The following PTPRT variants were observed in gnomAD, a reference collection of about 807,000 sequenced individuals.
PTPRT encodes the protein receptor-type tyrosine-protein phosphatase T.
Under a neutral mutation model 176.8 loss-of-function variants are expected in PTPRT, and 56 were observed. That is an observed-to-expected ratio of 0.32 (90% CI 0.26 to 0.40). The LOEUF is 0.40. Among genes scored for constraint, PTPRT ranks in the 10% least tolerant of loss-of-function variants. The pLI, the probability that PTPRT is intolerant of heterozygous loss-of-function variation, is 1.00. For missense variants in PTPRT, 1,540 were observed against 1,908.2 expected (o/e 0.81, Z 3.60); for synonymous variants, 783 against 739.0 (o/e 1.06, Z -0.96).
Position 43,189,411 on chromosome 20 carries a change from G to C in PTPRT, c.88+235C>G, listed in dbSNP as rs112424528. 0.02 allele frequency among the ~76,000 whole-genome samples: 3,012 copies of C among 152,262 alleles called. 104 individuals are homozygous for C. The highest frequency in any genetic ancestry group is 0.066 in the African/African-American group (2,746 of 41,556). ...CCCGGGGGGCCGGCAGGAAACTGAA[G>C]CGGGGAACTTCGCCAAACGCGGGCT... On this transcript the variant is annotated intron_variant, in intron 1 of 30. Transcript: ENST00000373187. This position sits in a 1 kb window ranked among gnomAD's most constrained non-coding sequence, Gnocchi z 5.0.
intron 17 of PTPRT, among the ~76,000 whole-genome samples, chr20:42,148,259 CA>C (rs1276328975): frequency 4.5e-5 from 5 of 112,134 alleles, no homozygotes; most frequent in Non-Finnish European, 8.9e-5. Flanking sequence ...CCAAGGCAGT[CA>C]TTTTTTTTTT....
chr20:42,857,315 G>T (rs1252475986), intron 2 of PTPRT, among the ~76,000 whole-genome samples: 1 of 152,056 alleles, frequency 6.6e-6, no homozygotes, highest in Non-Finnish European at 1.5e-5. Flanking sequence ...GTTTCCAAGA[G>T]TTTCCTGACA....
chr20:42,879,174 T>A (rs1358842369), intron 2 of PTPRT, among the ~76,000 whole-genome samples: 4 of 152,158 alleles, frequency 2.6e-5, no homozygotes, highest in Non-Finnish European at 5.9e-5. Flanking sequence ...GAACTGCTAT[T>A]AAAAATTACC....
chr20:42,659,835 C>G (rs2075192333), intron 7 of PTPRT, among the ~76,000 whole-genome samples: 1 of 152,168 alleles, frequency 6.6e-6, no homozygotes, highest in Admixed American at 6.5e-5. Context: ...AGAGCTCTTG[C>G]CTCCTCCATC....
intron 1 of PTPRT, among the ~76,000 whole-genome samples, chr20:43,172,256 T>C (rs2015019787): frequency 6.6e-6 from 1 of 152,232 alleles, no homozygotes; most frequent in African/African-American, 2.4e-5. Flanking sequence ...AGTGGGATAA[T>C]TTCCAAAACT....
intron 11 of PTPRT, among the ~76,000 whole-genome samples, chr20:42,336,731 A>C (rs1038535627): frequency 2.6e-5 from 4 of 152,150 alleles, no homozygotes; most frequent in Non-Finnish European, 5.9e-5. Context: ...AATGACCCAA[A>C]TTTTCAACCA....
rs374581538 is a variant in PTPRT, at chr20:42,791,416, G to A, written c.265C>T (p.His89Tyr). The change falls in exon 3 of 31, where the codon CAC becomes TAC. Residue 89 changes from histidine to tyrosine, a missense_variant. Transcript: ENST00000373187. ...SSGRASGQKA[H>Y]LLLPTLKEND... is the part of the protein sequence containing the mutation. ...TCCTTCAGGGTTGGCAGGAGAAGGT[G>A]GGCCTTCTGGCCAGAGGCTCTCCCA... 2.5e-6 allele frequency: 4 copies of A among 1,613,812 alleles called. No individual in the cohort carries two copies. The African/African-American group carries it at 5.3e-5, about 21-fold the overall frequency.
rs114842259 is a variant in PTPRT at position 42,122,355 on chromosome 20, A to C, written c.2848-2384T>G. The stretch of plus-strand genomic sequence containing the variant: ...TTTACTGAGTGCCTATCAAGACTAA[A>C]AGTGTATGCAGGCCTCTCAGGGGAC... On this transcript the variant is annotated intron_variant, in intron 19 of 30. Coordinates refer to ENST00000373187, the MANE Select transcript of PTPRT (RefSeq NM_007050.6). 2.1e-3 allele frequency among the ~76,000 whole-genome samples: 323 copies of C among 152,294 alleles called. 1 individual carries two copies. The highest frequency in any genetic ancestry group is 7.5e-3 in the African/African-American group (311 of 41,562).
At chr20:42,460,163 G>A (rs894008441) in intron 8 of PTPRT, among the ~76,000 whole-genome samples, 4 of 152,102 alleles carry the variant, frequency 2.6e-5, no homozygotes, top group Non-Finnish European at 5.9e-5. Context: ...CCGGAGGGCT[G>A]GGCAGAGGCC....
intron 9 of PTPRT, among the ~76,000 whole-genome samples, chr20:42,406,602 T>G (rs2058963299): frequency 6.6e-6 from 1 of 152,130 alleles, no homozygotes; most frequent in Non-Finnish European, 1.5e-5. Context: ...AATATTTAAA[T>G]TATCTCAGTC....
intron 16 of PTPRT, among the ~76,000 whole-genome samples, chr20:42,163,181 TG>T (rs1416358943): frequency 3.3e-5 from 5 of 152,130 alleles, no homozygotes; most frequent in African/African-American, 1.2e-4. Flanking sequence ...GAGACACTGA[TG>T]GGGTCGTACC....
the PTPRT span, among the ~76,000 whole-genome samples, chr20:42,051,360 C>T: frequency 6.6e-6 from 1 of 152,160 alleles, no homozygotes; most frequent in Non-Finnish European, 1.5e-5. Context: ...GGTGCAATGG[C>T]TTATTTGCGT....
intron 7 of PTPRT, among the ~76,000 whole-genome samples, chr20:42,545,328 C>G (rs2072655690): frequency 6.6e-6 from 1 of 152,164 alleles, no homozygotes; most frequent in Non-Finnish European, 1.5e-5. Flanking sequence ...AGGGGTTCAT[C>G]AAACCACCCT....
intron 12 of PTPRT, among the ~76,000 whole-genome samples, chr20:42,286,991 T>C (rs898328410): frequency 4.6e-5 from 7 of 151,930 alleles, no homozygotes; most frequent in Non-Finnish European, 8.8e-5. Context: ...ATATAAAAAA[T>C]GCTCAATATC....
intron 9 of PTPRT, among the ~76,000 whole-genome samples, chr20:42,426,259 C>T (rs1434965359): frequency 6.6e-6 from 1 of 151,994 alleles, no homozygotes; most frequent in Non-Finnish European, 1.5e-5. Context: ...CCGGGCTCCA[C>T]AAGCAGACAA....
chr20:42,188,075 T>A (rs1313885300), intron 16 of PTPRT, among the ~76,000 whole-genome samples: 1 of 152,198 alleles, frequency 6.6e-6, no homozygotes, highest in East Asian at 1.9e-4. Context: ...CAACCTGGCA[T>A]CTCTTCCATG....
chr20:42,328,917 T>C (rs1430149635), intron 11 of PTPRT, among the ~76,000 whole-genome samples: 1 of 152,162 alleles, frequency 6.6e-6, no homozygotes, highest in African/African-American at 2.4e-5. Flanking sequence ...TAATAAAACT[T>C]AATTAAAGAA....
chr20:42,625,910 T>A (rs1161252884), intron 7 of PTPRT, among the ~76,000 whole-genome samples: 2 of 129,436 alleles, frequency 1.5e-5, no homozygotes. Context: ...TGATGAAAAG[T>A]TCCATTTTGT....
At chr20:43,163,654 A>C (rs200514209) in intron 1 of PTPRT, among the ~76,000 whole-genome samples, 1,317 of 117,178 alleles carry the variant, frequency 0.011, 28 homozygotes, top group South Asian at 0.1. Flanking sequence ...AAAACAAAAC[A>C]AAAAAAAAAA....
Sources: gnomAD v4.1 joint callset for allele counts (sites outside exome capture counted in the v4.1 genomes callset) on GRCh38, gnomAD v4.1.1 for gene constraint, Gnocchi (gnomAD v3.1) non-coding constraint, MANE v1.5 for transcripts, NCBI Gene and HGNC (gene_info 2026-07-23, HGNC 2026-07-21) for gene names.